POLR2B: variants seen among roughly 807,000 people sequenced by gnomAD.
POLR2B encodes DNA-directed RNA polymerase II subunit RPB2.
In POLR2B, 57 loss-of-function variants were observed where a neutral mutation model predicts 144.6. The observed-to-expected ratio is 0.39, with a 90% CI of 0.32 to 0.49. The LOEUF (loss-of-function observed/expected upper bound fraction) is 0.49. Ranked by LOEUF, POLR2B falls within the 20% of genes least tolerant of loss-of-function variation. POLR2B has a pLI of 0.83. For synonymous variants in POLR2B, 442 were observed against 469.8 expected, an observed-to-expected ratio of 0.94 and a Z score of 0.77; for missense variants, 595 against 1,467.4, an observed-to-expected ratio of 0.41 and a Z score of 9.71.
chr4:56,988,823 T>C (rs907080966), intron 2 of POLR2B, among the ~76,000 whole-genome samples: 3 of 152,186 alleles, frequency 2.0e-5, no homozygotes, highest in Admixed American at 1.3e-4. Context: ...TTCTGTGGAG[T>C]GTGCCTATAT....
intron 1 of POLR2B, among the ~76,000 whole-genome samples, chr4:56,980,550 T>C (rs904222111): frequency 3.3e-5 from 5 of 152,020 alleles, no homozygotes; most frequent in African/African-American, 9.7e-5. Context: ...GGGAGACCCC[T>C]CTCTATAAGA....
intron 7 of POLR2B, among the ~76,000 whole-genome samples, chr4:57,001,818 T>G (rs1325339688): frequency 6.6e-6 from 1 of 152,214 alleles, no homozygotes; most frequent in Non-Finnish European, 1.5e-5. Context: ...GCTCCTTATC[T>G]GAACAGTAAA....
At position 57,023,045 on chromosome 4, in the gene POLR2B, A is replaced by G. The variant is rs1723601730; in HGVS notation, c.2516-285A>G. 6.6e-6 allele frequency among the ~76,000 whole-genome samples: 1 copy of G among 152,234 alleles called. No individual in the cohort carries two copies. The highest frequency in any genetic ancestry group is 1.5e-5 in the Non-Finnish European group (1 of 68,046). Reference sequence around the variant, plus strand: ...TTTCTCTTGTAATATAGAAATCAGAAGATGACAAAAAACATATCCAAAGTC... The same window carrying G: ...TTTCTCTTGTAATATAGAAATCAGAGGATGACAAAAAACATATCCAAAGTC... On this transcript the variant is annotated intron_variant, in intron 18 of 24. Transcript: ENST00000314595. The surrounding 1 kb of genome is among the most constrained non-coding windows in gnomAD (Gnocchi z 4.3).
At chr4:57,026,833 A>G (rs1189249838) in intron 23 of POLR2B, among the ~76,000 whole-genome samples, 5 of 152,230 alleles carry the variant, frequency 3.3e-5, no homozygotes, top group African/African-American at 1.2e-4. Flanking sequence ...GAATTTAGTG[A>G]CAAGAATAAC....
rs757282497 is a variant in POLR2B, at chr4:57,023,502, C to T, written c.2688C>T (p.Leu896=). The T allele has an allele frequency of 1.9e-6, 3 of 1,613,588 alleles. No individual in the cohort carries two copies. Among genetic ancestry groups the T allele is most frequent in the Non-Finnish European group, 2.5e-6 (3 of 1,179,622 alleles). Residue 896 remains leucine (L), a synonymous_variant, in exon 19 of 25, where the codon CTC becomes CTT. Transcript: ENST00000314595. The surrounding 1 kb of genome is among the most constrained non-coding windows in gnomAD (Gnocchi z 4.3). ...RYTKRDCSTF[L]RTSETGIVDQ... ...CCAAGAGAGACTGTAGCACTTTTCTCAGAACTAGCGAGACGGGCATTGTGG... is the reference window on the plus strand; with the variant it reads ...CCAAGAGAGACTGTAGCACTTTTCTTAGAACTAGCGAGACGGGCATTGTGG...
intron 9 of POLR2B, among the ~76,000 whole-genome samples, chr4:57,006,451 T>C (rs980043924): frequency 6.6e-6 from 1 of 152,170 alleles, no homozygotes; most frequent in African/African-American, 2.4e-5. Context: ...ACTACAGGCG[T>C]GTGCCATCAC....
chr4:57,024,836 G>C, intron 21 of POLR2B, 50 bp from the exon 22 acceptor site: 3 of 890,200 alleles, frequency 3.4e-6, no homozygotes, highest in Non-Finnish European at 5.4e-6. Context: ...TGACTTTTAG[G>C]GGGAGACAGA....
chr4:56,989,577 G>A (rs1722449296), intron 2 of POLR2B, among the ~76,000 whole-genome samples: 1 of 152,212 alleles, frequency 6.6e-6, no homozygotes, highest in South Asian at 2.1e-4. Flanking sequence ...CTGATGATTA[G>A]TTGGACTCTG....
rs1044973046 is a variant in POLR2B, at chr4:57,014,596, G to A, written c.1801-906G>A. 7.5e-5 allele frequency among the ~76,000 whole-genome samples: 11 copies of A among 147,186 alleles called. 1 individual carries two copies. The highest frequency in any genetic ancestry group is 1.8e-4 in the African/African-American group (7 of 39,850). On this transcript the variant is annotated intron_variant, in intron 13 of 24. Transcript: ENST00000314595. ...AGGCTCACTGCAAGCTCTGCCTCCC[G>A]GGTTCATGCCATTCTCCTGCCTTAG...
chr4:56,983,896 G>T (rs1246413234), intron 1 of POLR2B, among the ~76,000 whole-genome samples: 3 of 147,666 alleles, frequency 2.0e-5, no homozygotes, highest in East Asian at 2.0e-4. Context: ...AGACAGGGTC[G>T]CACTCTCACC....
chr4:57,021,810 C>T (rs1486776389), intron 17 of POLR2B, among the ~76,000 whole-genome samples: 3 of 152,096 alleles, frequency 2.0e-5, no homozygotes, highest in Admixed American at 2.0e-4. Context: ...AATGTTAAAA[C>T]TTCTCACTGG....
At chr4:57,016,851 C>G (rs902333720) in intron 14 of POLR2B, among the ~76,000 whole-genome samples, 192 bp from the exon 15 acceptor site, 1 of 148,520 alleles carries the variant, frequency 6.7e-6, no homozygotes, top group Non-Finnish European at 1.5e-5. Flanking sequence ...ACCTATTTCA[C>G]TTGTCAACAA....
intron 1 of POLR2B, among the ~76,000 whole-genome samples, chr4:56,983,402 T>G (rs1722220703): frequency 7.0e-6 from 1 of 143,084 alleles, no homozygotes; most frequent in Admixed American, 7.2e-5. Context: ...AGATGGAGTT[T>G]CCCTTTGTCC....
At chr4:56,981,982 C>T (rs1578551883) in intron 1 of POLR2B, among the ~76,000 whole-genome samples, 1 of 152,314 alleles carries the variant, frequency 6.6e-6, no homozygotes, top group Middle Eastern at 3.4e-3. Context: ...AGCTTTCTAG[C>T]GACATCACTT....
chr4:56,995,132 G>A, intron 5 of POLR2B, 119 bp from the exon 6 acceptor site: 1 of 769,906 alleles, frequency 1.3e-6, no homozygotes, highest in Non-Finnish European at 2.0e-6. Context: ...TAAAGTTGAA[G>A]AATTAAATAT....
At chr4:57,011,728 CAGG>C (rs1209252119) in intron 13 of POLR2B, among the ~76,000 whole-genome samples, 1 of 152,052 alleles carries the variant, frequency 6.6e-6, no homozygotes, top group Non-Finnish European at 1.5e-5. Flanking sequence ...GAAGCTGAAG[CAGG>C]AGAATTGCTT....
At chr4:57,011,579 C>T (rs1166374002) in intron 13 of POLR2B, among the ~76,000 whole-genome samples, 1 of 151,920 alleles carries the variant, frequency 6.6e-6, no homozygotes, top group Non-Finnish European at 1.5e-5. Context: ...AATCCCAGCA[C>T]TTTGGGAGGC....
In POLR2B at chr4:57,023,633, T is replaced by C; in HGVS notation, c.2767-29T>C. 1 of 1,610,602 alleles carries C rather than the reference T, an allele frequency of 6.2e-7. No homozygotes were observed. Among genetic ancestry groups the C allele is most frequent in the Non-Finnish European group, 8.5e-7 (1 of 1,177,628 alleles). On this transcript the variant is annotated intron_variant, in intron 19 of 24. Transcript: ENST00000314595. This position sits in a 1 kb window ranked among gnomAD's most constrained non-coding sequence, Gnocchi z 4.3. ...GTTTTAGAAAGTAAACCAAATCCACTTAACTAACTTATTTTTATATGAATT... is the reference window on the plus strand; with the variant it reads ...GTTTTAGAAAGTAAACCAAATCCACCTAACTAACTTATTTTTATATGAATT...
intron 9 of POLR2B, among the ~76,000 whole-genome samples, chr4:57,006,475 TTC>T (rs1384426573): frequency 6.6e-6 from 1 of 152,166 alleles, no homozygotes; most frequent in Non-Finnish European, 1.5e-5. Flanking sequence ...CAGCTAATTT[TTC>T]TGTTTTTAGT....
Sources: allele counts gnomAD v4.1 joint callset (sites outside exome capture counted in the v4.1 genomes callset), GRCh38; gene constraint gnomAD v4.1.1; non-coding constraint Gnocchi (gnomAD v3.1); transcripts MANE v1.5; gene names NCBI Gene and HGNC (gene_info 2026-07-23, HGNC 2026-07-21).